Variants in GPR161 observed in about 807,000 individuals in gnomAD.
GPR161 encodes the protein G protein-coupled receptor 161, also known as G-protein coupled receptor RE2.
A neutral mutation model predicts 39.2 loss-of-function variants in GPR161; 25 were observed. The ratio of observed to expected loss-of-function variants is 0.64; its 90% CI spans 0.47 to 0.89. The LOEUF is 0.89. Ranked by LOEUF, GPR161 falls within the 40% of genes least tolerant of loss-of-function variation. GPR161 has a pLI of 0.00. For synonymous variants in GPR161, 286 were observed against 276.6 expected (o/e 1.03, Z -0.34); for missense variants, 547 against 677.8 (o/e 0.81, Z 2.14).
rs139707955 is a variant in GPR161 at position 168,085,597 on chromosome 1, A to G, written c.1524T>C (p.Leu508=). ...TCTGCAACTGCAGCCTCTGGCTCAC[A>G]AGAGTTCTGCTGCCTCGGCGGCCCC... ...GFGGRRGSRT[L]VSQRLQLQSI... The change falls in exon 6 of 6, where the codon CTT becomes CTC. Residue 508 remains leucine, a synonymous_variant. Transcript: ENST00000682931. The G allele has an allele frequency of 9.3e-6, 15 of 1,613,916 alleles. No individual in the cohort carries two copies. The African/African-American group carries it at 1.2e-4, about 13-fold the overall frequency.
intron 1 of GPR161, among the ~76,000 whole-genome samples, chr1:168,112,631 C>T (rs982901143): frequency 1.3e-4 from 20 of 151,596 alleles, no homozygotes; most frequent in South Asian, 1.3e-3. Flanking sequence ...CCGAGGTGGG[C>T]GGATCACTTG....
chr1:168,119,307 CA>C (rs1553269241), intron 1 of GPR161, among the ~76,000 whole-genome samples: 3 of 138,302 alleles, frequency 2.2e-5, no homozygotes, highest in Non-Finnish European at 4.6e-5. Context: ...TACATACGTA[CA>C]TACATATTAT....
Position 168,079,832 on chromosome 1 carries a change from G to T in GPR161, c.*5699C>A, listed in dbSNP as rs1368483640. 1 of 152,124 alleles carries T rather than the reference G, an allele frequency of 6.6e-6. No individual in the cohort carries two copies. The highest frequency in any genetic ancestry group is 1.5e-5 in the Non-Finnish European group (1 of 68,038). The allele number at this position is 152,124 out of a possible 1,614,324, so 9.4% of individuals were successfully genotyped here. A position where few individuals can be genotyped will look rare whatever the true frequency, so the allele number is the denominator to read the frequency against. On this transcript the variant is annotated 3_prime_UTR_variant, in exon 6 of 6. Coordinates refer to ENST00000682931, the MANE Select transcript of GPR161 (RefSeq NM_001375883.1). ...CTCTCAGTGTGGTCTTGTCTGCCAG[G>T]CCTGTGATTCTCCCTAGGACTGTCT...
upstream of GPR161, chr1:168,137,032 G>T: frequency 6.4e-6 from 1 of 155,114 alleles, no homozygotes; most frequent in Non-Finnish European, 9.6e-6. Context: ...GCACTGCCCC[G>T]CCCCGCCCAG....
In GPR161 at chr1:168,082,012, A is replaced by C. The variant is rs1156354079; in HGVS notation, c.*3519T>G. ...GTCGGGATGGAAAATATTCAGGGAA[A>C]TCTGAAGAGACTAACCATCTGTCAT... On this transcript the variant is annotated 3_prime_UTR_variant, in exon 6 of 6. Transcript: ENST00000682931. 2 of 152,252 alleles carry C rather than the reference A, an allele frequency of 1.3e-5. No individual in the cohort carries two copies. Among genetic ancestry groups the C allele is most frequent in the South Asian group, 2.1e-4 (1 of 4,830 alleles). 9.4% of individuals were successfully genotyped at this position (152,252 alleles called of 1,614,324 possible). A position where few individuals can be genotyped will look rare whatever the true frequency, so the allele number is the denominator to read the frequency against.
rs1318558273 is a variant in GPR161, at chr1:168,087,621, A to G, written c.1288T>C (p.Ser430Pro). The change falls in exon 5 of 6, where the codon TCG (serine) becomes CCG (proline). Residue 430 changes from serine to proline, a missense_variant. Ser to Pro is a moderately conservative substitution (Grantham distance 74). Transcript: ENST00000682931. Reference sequence around the variant, plus strand: ...TCCACTTCATCCTCAAATGTCACCGAGCTCCTTCTCTTGGGTGGGCAAGTG... The same window carrying G: ...TCCACTTCATCCTCAAATGTCACCGGGCTCCTTCTCTTGGGTGGGCAAGTG... ...HCTCPPKRRS[S>P]VTFEDEVEQI... is the part of the protein sequence containing the mutation. 6.2e-7 allele frequency: 1 copy of G among 1,613,926 alleles called. No homozygotes were observed. Among genetic ancestry groups the G allele is most frequent in the Non-Finnish European group, 8.5e-7 (1 of 1,179,994 alleles).
intron 2 of GPR161, among the ~76,000 whole-genome samples, chr1:168,101,348 G>A (rs1429146435): frequency 2.6e-5 from 4 of 152,140 alleles, no homozygotes; most frequent in Non-Finnish European, 4.4e-5. Context: ...GGGCTGTCAC[G>A]ACTGGGGAGG....
At position 168,104,874 on chromosome 1, in the gene GPR161, T is replaced by C. The variant is rs1696453850; in HGVS notation, c.-24A>G. Reference sequence around the variant, plus strand: ...ATGGTCAGTGCACCTCGGCGTGGGGTGGGCAGAGCATGCTGGACGACTGGA... The same window carrying C: ...ATGGTCAGTGCACCTCGGCGTGGGGCGGGCAGAGCATGCTGGACGACTGGA... On this transcript the variant is annotated 5_prime_UTR_variant, in exon 2 of 6. Coordinates refer to ENST00000682931, the MANE Select transcript of GPR161 (RefSeq NM_001375883.1). 5.0e-6 allele frequency: 8 copies of C among 1,609,094 alleles called. No individual in the cohort carries two copies. Among genetic ancestry groups the C allele is most frequent in the Non-Finnish European group, 6.8e-6 (8 of 1,176,406 alleles).
upstream of GPR161, chr1:168,136,984 T>A: frequency 3.4e-6 from 2 of 582,026 alleles, no homozygotes; most frequent in Non-Finnish European, 3.8e-6. Flanking sequence ...GCCGGGCCCC[T>A]CCGGCCCCCG....
rs1272110605 is a variant in GPR161 at position 168,104,733 on chromosome 1, A to T, written c.118T>A (p.Phe40Ile). ...ATGACCAGGTTTCCCAGGCAGACAAAAATGGTGATGACAATGATGGCGATG... is the reference window on the plus strand; with the variant it reads ...ATGACCAGGTTTCCCAGGCAGACAATAATGGTGATGACAATGATGGCGATG... Reference protein sequence around the residue: ...QFIAIIVITIFVCLGNLVIVV... With the variant: ...QFIAIIVITIIVCLGNLVIVV... The change falls in exon 2 of 6, where the codon TTT becomes ATT. Residue 40 changes from phenylalanine (F) to isoleucine (I), a missense_variant. Phe to Ile is a conservative substitution (Grantham distance 21). Transcript: ENST00000682931. The T allele has an allele frequency of 6.2e-7, 1 of 1,613,910 alleles. No individual in the cohort carries two copies. Among genetic ancestry groups the T allele is most frequent in the Non-Finnish European group, 8.5e-7 (1 of 1,180,012 alleles).
At chr1:168,100,235 G>GAAA (rs1558105234) in intron 2 of GPR161, among the ~76,000 whole-genome samples, 4 of 134,880 alleles carry the variant, frequency 3.0e-5, no homozygotes, top group Non-Finnish European at 4.7e-5. Context: ...AAAAAAAAAG[G>GAAA]ATATAGAACA....
chr1:168,135,896 G>A (rs1699317324), intron 1 of GPR161: 1 of 406,174 alleles, frequency 2.5e-6, no homozygotes, highest in Admixed American at 5.7e-5. Context: ...AGGGATGAAA[G>A]TACAATAACA....
intron 3 of GPR161, among the ~76,000 whole-genome samples, chr1:168,095,831 C>T (rs1279811618): frequency 6.6e-6 from 1 of 152,064 alleles, no homozygotes; most frequent in African/African-American, 2.4e-5. Flanking sequence ...ATTCTTTTTC[C>T]TCTAGTAAAG....
rs985515064 is a variant in GPR161, at chr1:168,096,944, C to T, written c.663G>A (p.Lys221=). ...CGATGACGACTGTGCCACAGTGCAC[C>T]TTGCGTGCCTTGACCCTGGCCACGC... ...IFRVARVKAR[K]VHCGTVVIVE... The change falls in exon 3 of 6, where the codon AAG becomes AAA. Residue 221 remains lysine, a synonymous_variant. Transcript: ENST00000682931. 3 of 1,614,052 alleles carry T rather than the reference C, an allele frequency of 1.9e-6. No individual in the cohort carries two copies. In the African/African-American group the frequency reaches 4.0e-5, roughly 22 times the overall value.
intron 5 of GPR161, 71 bp from the exon 6 acceptor site, chr1:168,085,867 C>T (rs911306949): frequency 1.5e-5 from 21 of 1,372,676 alleles, no homozygotes; most frequent in Non-Finnish European, 2.0e-5. Context: ...GACAAGCCTG[C>T]TGCTGCTCCA....
Position 168,085,708 on chromosome 1 carries a change from C to A in GPR161, c.1413G>T (p.Glu471Asp). Residue 471 changes from glutamate to aspartate, a missense_variant, in exon 6 of 6, where the codon GAG (glutamate) becomes GAT (aspartate). Coordinates refer to ENST00000682931, the MANE Select transcript of GPR161 (RefSeq NM_001375883.1). The stretch of plus-strand genomic sequence containing the variant: ...CAAATAAGTTGATTTTGGCTTCGGC[C>A]TCAATGGCTTTGGCCAAGCTTGCTG... ...SYAASLAKAIEAEAKINLFGE... is the reference protein window; with the variant it reads ...SYAASLAKAIDAEAKINLFGE... 3 of 1,614,246 alleles carry A rather than the reference C, an allele frequency of 1.9e-6. No homozygotes were observed. Among genetic ancestry groups the A allele is most frequent in the Non-Finnish European group, 1.7e-6 (2 of 1,180,038 alleles).
At chr1:168,108,486 T>TAACAAAAAAAAA (rs1696824205) in intron 1 of GPR161, among the ~76,000 whole-genome samples, 1 of 17,478 alleles carries the variant, frequency 5.7e-5, no homozygotes, top group Non-Finnish European at 8.8e-5. Context: ...GCCCTAGTTG[T>TAACAAAAAAAAA]AAAAAAAAAA....
chr1:168,106,689 T>C (rs1696655815), intron 1 of GPR161, among the ~76,000 whole-genome samples: 1 of 152,260 alleles, frequency 6.6e-6, no homozygotes, highest in South Asian at 2.1e-4. Flanking sequence ...AAGACAGATG[T>C]CCCTAATCTT....
chr1:168,090,730 C>T (rs2102113583), intron 3 of GPR161, 62 bp from the exon 4 acceptor site: 8 of 800,726 alleles, frequency 1.0e-5, no homozygotes, highest in East Asian at 2.7e-5. Flanking sequence ...CCCCAGCCTC[C>T]GTTTCCCCAC....
Sources: allele counts gnomAD v4.1 joint callset (sites outside exome capture counted in the v4.1 genomes callset), GRCh38; gene constraint gnomAD v4.1.1; transcripts MANE v1.5; gene names NCBI Gene and HGNC (gene_info 2026-07-23, HGNC 2026-07-21).